LIX1L: variants seen among roughly 807,000 people sequenced by gnomAD.
LIX1L encodes the protein LIX1-like protein.
In LIX1L, 20 loss-of-function variants were observed where a neutral mutation model predicts 34.0. That is an observed-to-expected ratio of 0.59 (90% CI 0.41 to 0.85). The LOEUF (loss-of-function observed/expected upper bound fraction) is 0.85, where lower values mean the gene tolerates loss of function less well. Ranked by LOEUF, LIX1L falls within the 40% of genes least tolerant of loss-of-function variation. The pLI, the probability that LIX1L is intolerant of heterozygous loss-of-function variation, is 0.00. For missense variants in LIX1L, 397 were observed against 447.0 expected (o/e 0.89, Z 1.01); for synonymous variants, 170 against 187.4 (o/e 0.91, Z 0.76).
chr1:145,957,658 C>T lies in LIX1L; in HGVS notation c.270G>A (p.Lys90=), dbSNP rs781915872. The T allele has an allele frequency of 1.9e-6, 3 of 1,542,262 alleles. No individual in the cohort carries two copies. Among genetic ancestry groups the T allele is most frequent in the Admixed American group, 3.9e-5 (2 of 50,752 alleles). ...CACCTCGGCCATAGCCCTGCGTGTG[C>T]TTGGCGAAGCTCCTCACCACGGCCT... is the stretch of plus-strand genomic sequence containing the variant. ...AVEAVVRSFA[K]HTQGYGRVNV... The change falls in exon 1 of 6, where the codon AAG becomes AAA. Residue 90 remains lysine (K), a synonymous_variant. Coordinates refer to ENST00000604000, the MANE Select transcript of LIX1L (RefSeq NM_153713.3).
chr1:145,957,429 T>G (rs1250318346), intron 1 of LIX1L, among the ~76,000 whole-genome samples: 2 of 152,172 alleles, frequency 1.3e-5, no homozygotes, highest in African/African-American at 4.8e-5. Flanking sequence ...CTGGAGAATA[T>G]ATTAATAACT....
rs587660994 is a variant in LIX1L, at chr1:145,954,190, T to G, written c.292+3446A>C. Among the ~76,000 whole-genome samples, 8 of 152,214 alleles carry G rather than the reference T, an allele frequency of 5.3e-5. No homozygotes were observed. In the East Asian group the frequency reaches 1.5e-3, roughly 29 times the overall value. On this transcript the variant is annotated intron_variant, in intron 1 of 5. Transcript: ENST00000604000. Reference sequence around the variant, plus strand: ...ACCAGAAGCTGGAAGAGGCAAGGAATGAATTCTCCCCTAGAGCTTCTGGAG... The same window carrying G: ...ACCAGAAGCTGGAAGAGGCAAGGAAGGAATTCTCCCCTAGAGCTTCTGGAG...
Position 145,957,987 on chromosome 1 carries a change from A to G in LIX1L, c.-60T>C, listed in dbSNP as rs1182493906. 2 of 1,221,004 alleles carry G rather than the reference A, an allele frequency of 1.6e-6. No individual in the cohort carries two copies. Among genetic ancestry groups the G allele is most frequent in the Non-Finnish European group, 2.2e-6 (2 of 929,142 alleles). 75.6% of individuals were successfully genotyped at this position (1,221,004 alleles called of 1,614,324 possible). ...CCAGCCTGCCGAGCTAACGGTCCCA[A>G]CCACCCCAGTCAGCTAGCGCCTGGG... is the stretch of plus-strand genomic sequence containing the variant. On this transcript the variant is annotated 5_prime_UTR_variant, in exon 1 of 6. Transcript: ENST00000604000.
At chr1:145,937,730 G>T in intron 3 of LIX1L, 31 bp from the exon 4 acceptor site, 1 of 1,304,608 alleles carries the variant, frequency 7.7e-7, no homozygotes, top group Non-Finnish European at 1.1e-6. Flanking sequence ...AAGACAAATA[G>T]ATTTTCAACC....
rs1225813374 is a variant in LIX1L at position 145,934,855 on chromosome 1, A to AAAAAC, written c.*1450_*1454dup. On this transcript the variant is annotated 3_prime_UTR_variant, in exon 6 of 6. Coordinates refer to ENST00000604000, the MANE Select transcript of LIX1L (RefSeq NM_153713.3). ...AAGACTCCGTCTCAAAAACAAAAACAAAAACAAAACCAAAAAAAAACCACA... is the reference window on the plus strand; with the variant it reads ...AAGACTCCGTCTCAAAAACAAAAACAAAAACAAAACAAAACCAAAAAAAAACCACA... 1 of 151,686 alleles carries AAAAAC rather than the reference A, an allele frequency of 6.6e-6. No homozygotes were observed. Among genetic ancestry groups the AAAAAC allele is most frequent in the Non-Finnish European group, 1.5e-5 (1 of 68,202 alleles). The allele number at this position is 151,686 out of a possible 1,614,324, so 9.4% of individuals were successfully genotyped here.
In LIX1L at chr1:145,934,682, A is replaced by G. The variant is rs1341262235; in HGVS notation, c.*1628T>C. ...CATGGTGAAACCCCGTCTCTACTAA[A>G]AATACAAAAAATTAGCTGGGCGTGG... On this transcript the variant is annotated 3_prime_UTR_variant, in exon 6 of 6. Transcript: ENST00000604000. 1 of 151,690 alleles carries G rather than the reference A, an allele frequency of 6.6e-6. No individual in the cohort carries two copies. The highest frequency in any genetic ancestry group is 1.9e-4 in the East Asian group (1 of 5,174). The allele number at this position is 151,690 out of a possible 1,614,324, so 9.4% of individuals were successfully genotyped here. A position where few individuals can be genotyped will look rare whatever the true frequency, so the allele number is the denominator to read the frequency against.
Position 145,935,192 on chromosome 1 carries a change from A to G in LIX1L, c.*1118T>C, listed in dbSNP as rs1383816691. On this transcript the variant is annotated 3_prime_UTR_variant, in exon 6 of 6. Transcript: ENST00000604000. ...CCAAAAAAAAAAAAAAACCACACAC[A>G]CACACAAATAACTGATCATTGATTC... 1 of 151,610 alleles carries G rather than the reference A, an allele frequency of 6.6e-6. No individual in the cohort carries two copies. The highest frequency in any genetic ancestry group is 2.4e-5 in the African/African-American group (1 of 41,248). The allele number at this position is 151,610 out of a possible 1,614,324, so 9.4% of individuals were successfully genotyped here.
intron 3 of LIX1L, among the ~76,000 whole-genome samples, chr1:145,937,904 G>T (rs2101893364): frequency 6.6e-6 from 1 of 152,256 alleles, no homozygotes; most frequent in South Asian, 2.1e-4. Flanking sequence ...AAGGTGGGCA[G>T]ATCACTTGAG....
At chr1:145,936,809 G>T in intron 5 of LIX1L, 99 bp downstream of exon 5, 1 of 914,228 alleles carries the variant, frequency 1.1e-6, no homozygotes, top group Non-Finnish European at 1.8e-6. Flanking sequence ...CACAACCATA[G>T]GTCACAATAG....
chr1:145,954,106 G>A (rs1283626287), intron 1 of LIX1L, among the ~76,000 whole-genome samples: 2 of 151,590 alleles, frequency 1.3e-5, no homozygotes, highest in Admixed American at 6.6e-5. Context: ...GAGGAGTCAC[G>A]GAGGCAGAGA....
Position 145,948,547 on chromosome 1 carries a change from C to T in LIX1L, c.293-765G>A, listed in dbSNP as rs868963735. Among the ~76,000 whole-genome samples, 1 of 152,122 alleles carries T rather than the reference C, an allele frequency of 6.6e-6. No individual in the cohort carries two copies. Among genetic ancestry groups the T allele is most frequent in the African/African-American group, 2.4e-5 (1 of 41,436 alleles). ...AACCCAGAATACTATGTACATACTA[C>T]GAGTGAGAGAAGCCAGGGCATGGGG... On this transcript the variant is annotated intron_variant, in intron 1 of 5. Coordinates refer to ENST00000604000, the MANE Select transcript of LIX1L (RefSeq NM_153713.3). The surrounding 1 kb of genome is among the most constrained non-coding windows in gnomAD (Gnocchi z 4.0).
intron 1 of LIX1L, among the ~76,000 whole-genome samples, chr1:145,953,237 A>G (rs1570973257): frequency 6.6e-6 from 1 of 152,198 alleles, no homozygotes; most frequent in East Asian, 1.9e-4. Context: ...TTAAAACAAT[A>G]TATGAAACTA....
In LIX1L at chr1:145,947,711, C is replaced by T. The variant is rs781921729; in HGVS notation, c.364G>A (p.Ala122Thr). The T allele has an allele frequency of 4.3e-6, 7 of 1,613,980 alleles. No homozygotes were observed. In the African/African-American group the frequency reaches 6.7e-5, roughly 15 times the overall value. The stretch of plus-strand genomic sequence containing the variant: ...GGAACCATCTCATAAACCACTAGAG[C>T]CCCATTCTTTAAGTCAGCACCACGG... Reference protein sequence around the residue: ...QSRGADLKNGALVVYEMVPSN... With the variant: ...QSRGADLKNGTLVVYEMVPSN... Residue 122 changes from alanine to threonine, a missense_variant, in exon 2 of 6, where the codon GCT (alanine) becomes ACT (threonine). Physicochemically the swap from Ala to Thr is moderately conservative, Grantham distance 58. Transcript: ENST00000604000.
At chr1:145,951,471 A>C (rs1649299000) in intron 1 of LIX1L, among the ~76,000 whole-genome samples, 5 of 152,196 alleles carry the variant, frequency 3.3e-5, no homozygotes, top group Admixed American at 3.3e-4. Flanking sequence ...ACCTACATTT[A>C]ACTGACTTTT....
chr1:145,943,106 G>A (rs1648982124), intron 2 of LIX1L, among the ~76,000 whole-genome samples: 2 of 152,234 alleles, frequency 1.3e-5, no homozygotes, highest in African/African-American at 2.4e-5. Context: ...AATGCAGAAC[G>A]AGGAAGGCTG....
rs948084661 is a variant in LIX1L at position 145,957,980 on chromosome 1, G to T, written c.-53C>A. ...GAGCCTGCCAGCCTGCCGAGCTAAC[G>T]GTCCCAACCACCCCAGTCAGCTAGC... is the stretch of plus-strand genomic sequence containing the variant. On this transcript the variant is annotated 5_prime_UTR_variant, in exon 1 of 6. Transcript: ENST00000604000. 6 of 1,284,938 alleles carry T rather than the reference G, an allele frequency of 4.7e-6. No individual in the cohort carries two copies. Among genetic ancestry groups the T allele is most frequent in the South Asian group, 1.7e-5 (1 of 60,082 alleles). The allele number at this position is 1,284,938 out of a possible 1,614,324, so 79.6% of individuals were successfully genotyped here.
At chr1:145,947,867 T>A in intron 1 of LIX1L, 85 bp from the exon 2 acceptor site, 1 of 1,226,620 alleles carries the variant, frequency 8.2e-7, no homozygotes, top group Non-Finnish European at 1.2e-6. Flanking sequence ...CTGTAACCTG[T>A]ACCTACATTA....
intron 4 of LIX1L, 35 bp from the exon 5 acceptor site, chr1:145,937,020 AT>A: frequency 7.0e-7 from 1 of 1,428,468 alleles, no homozygotes; most frequent in Non-Finnish European, 9.9e-7. Flanking sequence ...CAGGACAGTG[AT>A]TTTTATATTG....
At chr1:145,937,280 A>G (rs1648694362) in intron 4 of LIX1L, 1 of 206,898 alleles carries the variant, frequency 4.8e-6, no homozygotes. Context: ...GGTTCAAGCA[A>G]TTCTCGTGCT....
Sources: allele counts gnomAD v4.1 joint callset (sites outside exome capture counted in the v4.1 genomes callset), GRCh38; gene constraint gnomAD v4.1.1; non-coding constraint Gnocchi (gnomAD v3.1); transcripts MANE v1.5; gene names NCBI Gene and HGNC (gene_info 2026-07-23, HGNC 2026-07-21).